The following IPMK variants were observed in gnomAD, a reference collection of about 807,000 sequenced individuals.
The protein encoded by IPMK is inositol 1,3,4,6-tetrakisphosphate 5-kinase.
A neutral mutation model predicts 45.8 loss-of-function variants in IPMK; 17 were observed. The observed-to-expected ratio is 0.37, with a 90% CI of 0.25 to 0.56. IPMK has a LOEUF of 0.56. IPMK is among the 20% of genes least tolerant of loss of function. The pLI is 0.79. For synonymous variants in IPMK, 180 were observed against 184.3 expected (o/e 0.98, Z 0.19); for missense variants, 399 against 498.0 (o/e 0.80, Z 1.89).
intron 3 of IPMK, among the ~76,000 whole-genome samples, chr10:58,224,031 A>G (rs1030358999): frequency 2.0e-5 from 3 of 152,220 alleles, no homozygotes; most frequent in African/African-American, 7.2e-5. Flanking sequence ...GACTAATACA[A>G]TAAGACCTTT....
At chr10:58,240,602 A>G (rs921286377) in intron 1 of IPMK, among the ~76,000 whole-genome samples, 3 of 151,846 alleles carry the variant, frequency 2.0e-5, no homozygotes, top group Non-Finnish European at 4.4e-5. Context: ...CGAAACCATC[A>G]AAGTGTTGAG....
intron 1 of IPMK, among the ~76,000 whole-genome samples, chr10:58,255,402 G>A (rs1838949959): frequency 6.6e-6 from 1 of 152,150 alleles, no homozygotes. Flanking sequence ...AATTTTCTGT[G>A]AGTGGTGTCA....
At chr10:58,223,832 G>C (rs996548322) in intron 3 of IPMK, among the ~76,000 whole-genome samples, 3 of 152,132 alleles carry the variant, frequency 2.0e-5, no homozygotes, top group Non-Finnish European at 4.4e-5. Context: ...AGTTTTAAAA[G>C]TGGCAGTTTC....
chr10:58,260,292 G>A (rs188282319), intron 1 of IPMK, among the ~76,000 whole-genome samples: 85 of 152,278 alleles, frequency 5.6e-4, no homozygotes, highest in Admixed American at 1.0e-3. Flanking sequence ...AAGTGCTCCC[G>A]ATAACAGGAA....
At chr10:58,234,298 G>T (rs1001185550) in intron 2 of IPMK, among the ~76,000 whole-genome samples, 6 of 152,070 alleles carry the variant, frequency 3.9e-5, no homozygotes, top group South Asian at 2.1e-4. Context: ...TTTCTTCACA[G>T]AATTGGAAAA....
intron 2 of IPMK, among the ~76,000 whole-genome samples, chr10:58,232,666 G>C (rs747030415): frequency 7.9e-5 from 12 of 152,172 alleles, no homozygotes; most frequent in Non-Finnish European, 1.5e-4. Flanking sequence ...GAATCTCTGG[G>C]ACACATTTAA....
chr10:58,252,434 C>CT (rs1388510552), intron 1 of IPMK, among the ~76,000 whole-genome samples: 7 of 105,754 alleles, frequency 6.6e-5, no homozygotes, highest in African/African-American at 1.5e-4. Context: ...CTGAATTTGA[C>CT]TGTTTTTTTT....
intron 1 of IPMK, among the ~76,000 whole-genome samples, chr10:58,238,113 T>G (rs1838641406): frequency 6.6e-6 from 1 of 152,210 alleles, no homozygotes; most frequent in South Asian, 2.1e-4. Flanking sequence ...AAGTCCTCAG[T>G]AATAGGCTTT....
At chr10:58,231,959 C>T (rs1287691380) in intron 2 of IPMK, among the ~76,000 whole-genome samples, 1 of 151,914 alleles carries the variant, frequency 6.6e-6, no homozygotes, top group African/African-American at 2.4e-5. Flanking sequence ...TGCACATAGG[C>T]TCAAAATAAA....
chr10:58,242,160 TCAGA>T, intron 1 of IPMK, among the ~76,000 whole-genome samples: 1 of 152,070 alleles, frequency 6.6e-6, no homozygotes, highest in African/African-American at 2.4e-5. Flanking sequence ...GTTAAAATAA[TCAGA>T]CAGGGGAACT....
At chr10:58,244,374 G>A (rs1838758850) in intron 1 of IPMK, among the ~76,000 whole-genome samples, 1 of 148,700 alleles carries the variant, frequency 6.7e-6, no homozygotes, top group South Asian at 2.1e-4. Flanking sequence ...GAAGTGGGGG[G>A]TGCCTCTGCC....
intron 4 of IPMK, chr10:58,212,817 G>A (rs1838185174): frequency 1.3e-5 from 3 of 233,126 alleles, no homozygotes; most frequent in East Asian, 1.1e-4. Context: ...GATAGTCTGT[G>A]ACAGTATCAA....
intron 3 of IPMK, among the ~76,000 whole-genome samples, chr10:58,225,042 T>C (rs991025112): frequency 1.3e-5 from 2 of 152,160 alleles, no homozygotes; most frequent in African/African-American, 4.8e-5. Flanking sequence ...AGGAAAGAAG[T>C]AGAAAATCCC....
chr10:58,226,735 C>T (rs1475962229), intron 3 of IPMK, among the ~76,000 whole-genome samples: 1 of 151,974 alleles, frequency 6.6e-6, no homozygotes, highest in East Asian at 1.9e-4. Flanking sequence ...AAAAATCACT[C>T]AAAATGGGAA....
At chr10:58,200,212 G>T (rs143742449) in intron 4 of IPMK, among the ~76,000 whole-genome samples, 68 of 152,174 alleles carry the variant, frequency 4.5e-4, no homozygotes, top group African/African-American at 1.6e-3. Context: ...CCTGCCTCCG[G>T]GATTCAAGTG....
chr10:58,203,399 C>G (rs769776109), intron 4 of IPMK, among the ~76,000 whole-genome samples: 1 of 152,240 alleles, frequency 6.6e-6, no homozygotes, highest in Non-Finnish European at 1.5e-5. Flanking sequence ...TCACTGCAGC[C>G]TCAACCTTTT....
chr10:58,238,257 A>G (rs553519716), intron 1 of IPMK, among the ~76,000 whole-genome samples: 1 of 152,226 alleles, frequency 6.6e-6, no homozygotes, highest in Non-Finnish European at 1.5e-5. Flanking sequence ...GTAATTTTTT[A>G]TAAGTCTCTC....
chr10:58,253,910 T>A (rs1194557041), intron 1 of IPMK, among the ~76,000 whole-genome samples: 2 of 152,118 alleles, frequency 1.3e-5, no homozygotes, highest in Non-Finnish European at 1.5e-5. Flanking sequence ...GAAAGCCATA[T>A]TGGGGCTCCA....
At chr10:58,206,761 G>A (rs1838076745) in intron 4 of IPMK, among the ~76,000 whole-genome samples, 1 of 152,100 alleles carries the variant, frequency 6.6e-6, no homozygotes, top group African/African-American at 2.4e-5. Flanking sequence ...TGAATGTGTA[G>A]TCTTATCCCT....
Sources: allele counts gnomAD v4.1 joint callset (sites outside exome capture counted in the v4.1 genomes callset), GRCh38; gene constraint gnomAD v4.1.1; transcripts MANE v1.5; gene names NCBI Gene and HGNC (gene_info 2026-07-23, HGNC 2026-07-21).